The following ZNF879 variants were observed in gnomAD, a reference collection of about 807,000 sequenced individuals.
ZNF879 encodes zinc finger protein 879.
A neutral mutation model predicts 44.3 loss-of-function variants in ZNF879; 32 were observed. That is an observed-to-expected ratio of 0.72 (90% CI 0.54 to 0.97). The LOEUF (loss-of-function observed/expected upper bound fraction) is 0.97. Among genes scored for constraint, ZNF879 ranks in the 50% least tolerant of loss-of-function variants. The pLI is 0.00. For synonymous variants in ZNF879, 234 were observed against 233.2 expected (o/e 1.00, Z -0.03); for missense variants, 621 against 669.7 (o/e 0.93, Z 0.80).
chr5:179,027,824 C>G (rs1761311665), intron 3 of ZNF879, among the ~76,000 whole-genome samples: 1 of 152,104 alleles, frequency 6.6e-6, no homozygotes, highest in South Asian at 2.1e-4. Context: ...TCCCTGAGCC[C>G]CACAGGGTGT....
At chr5:179,029,249 T>TA (rs1323565050) in intron 4 of ZNF879, among the ~76,000 whole-genome samples, 4 of 152,216 alleles carry the variant, frequency 2.6e-5, no homozygotes, top group Non-Finnish European at 4.4e-5. Flanking sequence ...TTTGGAATCT[T>TA]ACAGGACATC....
chr5:179,026,917 TCTC>T (rs1450117067), intron 2 of ZNF879, among the ~76,000 whole-genome samples: 2 of 152,126 alleles, frequency 1.3e-5, no homozygotes, highest in African/African-American at 2.4e-5. Context: ...ACCATAGCCT[TCTC>T]CTCTGGCTTG....
At chr5:179,030,491 T>C (rs1345192656) in intron 4 of ZNF879, among the ~76,000 whole-genome samples, 1 of 152,260 alleles carries the variant, frequency 6.6e-6, no homozygotes, top group Non-Finnish European at 1.5e-5. Flanking sequence ...ATTAAAATGA[T>C]GATGTCAGCC....
intron 2 of ZNF879, among the ~76,000 whole-genome samples, chr5:179,026,010 G>A (rs556077133): frequency 2.7e-4 from 41 of 151,490 alleles, no homozygotes; most frequent in African/African-American, 8.5e-4. Context: ...ACTTGAACCC[G>A]GAAGGTGGAG....
intron 4 of ZNF879, among the ~76,000 whole-genome samples, chr5:179,030,227 A>G (rs1761384788): frequency 6.6e-6 from 1 of 152,244 alleles, no homozygotes; most frequent in South Asian, 2.1e-4. Flanking sequence ...GCTGTGAGTG[A>G]TAAGCAGTAT....
rs1269432064 is a variant in ZNF879 at position 179,023,819 on chromosome 5, A to G, written c.-121A>G. 6.6e-6 allele frequency: 1 copy of G among 152,298 alleles called. No homozygotes were observed. Among genetic ancestry groups the G allele is most frequent in the Non-Finnish European group, 1.5e-5 (1 of 68,074 alleles). The allele number at this position is 152,298 out of a possible 1,614,324, so 9.4% of individuals were successfully genotyped here. On this transcript the variant is annotated 5_prime_UTR_variant, in exon 1 of 5. Transcript: ENST00000444149. ...GCGCGCAGGCGCAGTTGCGCCCGGC[A>G]GCGACGGGAAACGTCTCTGAATTAG...
At chr5:179,024,140 G>A (rs971184175) in intron 1 of ZNF879, among the ~76,000 whole-genome samples, 1 of 152,206 alleles carries the variant, frequency 6.6e-6, no homozygotes, top group African/African-American at 2.4e-5. Flanking sequence ...CCGGACTCCG[G>A]GGGAAACGGC....
At chr5:179,029,704 T>C (rs1165447735) in intron 4 of ZNF879, among the ~76,000 whole-genome samples, 1 of 136,514 alleles carries the variant, frequency 7.3e-6, no homozygotes, top group African/African-American at 2.5e-5. Flanking sequence ...TGATCAATTA[T>C]TGTTGTTTAT....
chr5:179,032,893 C>G lies in ZNF879; in HGVS notation c.945C>G (p.Pro315=). Residue 315 remains proline, a synonymous_variant, in exon 5 of 5, where the codon CCC becomes CCG. Transcript: ENST00000444149. The part of the protein sequence containing the change: ...NHQRIHTGEK[P]YKCNECGRAF... Reference sequence around the variant, plus strand: ...AGCGAATTCACACAGGAGAGAAGCCCTATAAGTGTAATGAATGTGGGAGGG... The same window carrying G: ...AGCGAATTCACACAGGAGAGAAGCCGTATAAGTGTAATGAATGTGGGAGGG... The G allele has an allele frequency of 1.3e-6, 2 of 1,570,876 alleles. No individual in the cohort carries two copies. Among genetic ancestry groups the G allele is most frequent in the Non-Finnish European group, 1.7e-6 (2 of 1,157,898 alleles).
At position 179,034,217 on chromosome 5, in the gene ZNF879, T is replaced by C. The variant is rs1047803414; in HGVS notation, c.*577T>C. Reference sequence around the variant, plus strand: ...CTGAGAAGAAAATCACTCCATAAACTATGCAGACGTACTGTCTTTGCGTTT... The same window carrying C: ...CTGAGAAGAAAATCACTCCATAAACCATGCAGACGTACTGTCTTTGCGTTT... On this transcript the variant is annotated 3_prime_UTR_variant, in exon 5 of 5. Coordinates refer to ENST00000444149, the MANE Select transcript of ZNF879 (RefSeq NM_001136116.3). The C allele has an allele frequency of 2.0e-5, 3 of 150,152 alleles. No homozygotes were observed. The highest frequency in any genetic ancestry group is 4.4e-5 in the Non-Finnish European group (3 of 67,444). 9.3% of individuals were successfully genotyped at this position (150,152 alleles called of 1,614,324 possible). A position where few individuals can be genotyped will look rare whatever the true frequency, so the allele number is the denominator to read the frequency against.
chr5:179,028,232 A>T (rs555487859), intron 4 of ZNF879, 105 bp downstream of exon 4: 1 of 969,220 alleles, frequency 1.0e-6, no homozygotes, highest in South Asian at 1.4e-5. Context: ...GGCCAGGGGG[A>T]AATGCTGGGA....
At chr5:179,028,336 G>A (rs1175067846) in intron 4 of ZNF879, among the ~76,000 whole-genome samples, 1 of 152,136 alleles carries the variant, frequency 6.6e-6, no homozygotes, top group East Asian at 1.9e-4. Context: ...CAGATATCTT[G>A]TAATTTGCAG....
Position 179,024,689 on chromosome 5 carries a change from G to C in ZNF879, c.-35-281G>C, listed in dbSNP as rs540268302. On this transcript the variant is annotated intron_variant, in intron 1 of 4. Coordinates refer to ENST00000444149, the MANE Select transcript of ZNF879 (RefSeq NM_001136116.3). ...TACTTTATCTGAATGAGCCTTGCCT[G>C]ATTCTGCCCTTGACCCTGTTAAGGC... is the stretch of plus-strand genomic sequence containing the variant. The C allele has an allele frequency of 2.1e-5, 8 of 372,926 alleles. No individual in the cohort carries two copies. The South Asian group carries it at 3.9e-4, about 18-fold the overall frequency. The allele number at this position is 372,926 out of a possible 1,614,324, so 23.1% of individuals were successfully genotyped here.
rs1221736732 is a variant in ZNF879 at position 179,033,824 on chromosome 5, T to C, written c.*184T>C. The C allele has an allele frequency of 2.1e-6, 1 of 484,078 alleles. No individual in the cohort carries two copies. The highest frequency in any genetic ancestry group is 3.6e-6 in the Non-Finnish European group (1 of 279,460). 30.0% of individuals were successfully genotyped at this position (484,078 alleles called of 1,614,324 possible). A position where few individuals can be genotyped will look rare whatever the true frequency, so the allele number is the denominator to read the frequency against. On this transcript the variant is annotated 3_prime_UTR_variant, in exon 5 of 5. Transcript: ENST00000444149. Reference sequence around the variant, plus strand: ...CTTGGGAATGCTAGAAAAGCTTCTATAAAATGTTTATTCATATGTTCTTAA... The same window carrying C: ...CTTGGGAATGCTAGAAAAGCTTCTACAAAATGTTTATTCATATGTTCTTAA...
Position 179,032,788 on chromosome 5 carries a change from A to C in ZNF879, c.840A>C (p.Arg280Ser), listed in dbSNP as rs1402931781. The change falls in exon 5 of 5, where the codon AGA becomes AGC. Residue 280 changes from arginine (R) to serine (S), a missense_variant. By Grantham distance (110) the Arg-to-Ser change is moderately radical. Transcript: ENST00000444149. ...SFTTSLIGHQRMHTGERPYKC... is the reference protein window; with the variant it reads ...SFTTSLIGHQSMHTGERPYKC... Reference sequence around the variant, plus strand: ...CCACATCTCTTATTGGACACCAGAGAATGCATACTGGAGAGAGACCTTATA... The same window carrying C: ...CCACATCTCTTATTGGACACCAGAGCATGCATACTGGAGAGAGACCTTATA... 3.9e-6 allele frequency: 6 copies of C among 1,554,238 alleles called. No homozygotes were observed. Among genetic ancestry groups the C allele is most frequent in the African/African-American group, 2.7e-5 (2 of 73,104 alleles).
At position 179,032,441 on chromosome 5, in the gene ZNF879, G is replaced by A. The variant is rs572401062; in HGVS notation, c.493G>A (p.Gly165Ser). 2 of 1,551,592 alleles carry A rather than the reference G, an allele frequency of 1.3e-6. No individual in the cohort carries two copies. The highest frequency in any genetic ancestry group is 2.4e-5 in the East Asian group (1 of 40,896). The change falls in exon 5 of 5, where the codon GGT becomes AGT. Residue 165 changes from glycine (G) to serine (S), a missense_variant. By Grantham distance (56) the Gly-to-Ser change is moderately conservative. Coordinates refer to ENST00000444149, the MANE Select transcript of ZNF879 (RefSeq NM_001136116.3). ...FKGVEFGKNL[G>S]LKSSLIRKPR... ...AGGTGTTGAATTTGGGAAAAATCTT[G>A]GTCTAAAATCATCGCTTATTAGAAA...
intron 3 of ZNF879, 61 bp from the exon 4 acceptor site, chr5:179,027,971 C>T: frequency 6.8e-7 from 1 of 1,463,364 alleles, no homozygotes; most frequent in Non-Finnish European, 9.4e-7. Context: ...GCCCTGGGCA[C>T]TCTGGGGCTG....
At chr5:179,028,705 A>G (rs1761339212) in intron 4 of ZNF879, among the ~76,000 whole-genome samples, 2 of 152,148 alleles carry the variant, frequency 1.3e-5, no homozygotes, top group African/African-American at 4.8e-5. Context: ...TTTCTGTGAA[A>G]ATTTAGAAAA....
chr5:179,032,554 A>T lies in ZNF879; in HGVS notation c.606A>T (p.Lys202Asn). 1 of 1,551,994 alleles carries T rather than the reference A, an allele frequency of 6.4e-7. No individual in the cohort carries two copies. Among genetic ancestry groups the T allele is most frequent in the Non-Finnish European group, 8.7e-7 (1 of 1,147,168 alleles). Residue 202 changes from lysine to asparagine, a missense_variant, in exon 5 of 5, where the codon AAA (lysine) becomes AAT (asparagine). Coordinates refer to ENST00000444149, the MANE Select transcript of ZNF879 (RefSeq NM_001136116.3). ...FKQLGVNTVR[K>N]CYKCNICGKI... ...AACTGGGGGTCAACACAGTGCGTAA[A>T]TGTTATAAATGTAATATCTGTGGGA...
Sources: allele counts gnomAD v4.1 joint callset (sites outside exome capture counted in the v4.1 genomes callset), GRCh38; gene constraint gnomAD v4.1.1; transcripts MANE v1.5; gene names NCBI Gene and HGNC (gene_info 2026-07-23, HGNC 2026-07-21).